PPP2R5A: variants seen among roughly 807,000 people sequenced by gnomAD.
The protein encoded by PPP2R5A is protein phosphatase 2 regulatory subunit B'alpha.
In PPP2R5A, 25 loss-of-function variants were observed where a neutral mutation model predicts 64.2. That is an observed-to-expected ratio of 0.39 (90% CI 0.28 to 0.54). PPP2R5A has a LOEUF of 0.54. Ranked by LOEUF, PPP2R5A falls within the 20% of genes least tolerant of loss-of-function variation. The pLI is 0.67. For synonymous variants in PPP2R5A, 198 were observed against 201.2 expected (o/e 0.98, Z 0.13); for missense variants, 425 against 576.3 (o/e 0.74, Z 2.69).
chr1:212,334,135 A>G (rs2102435908), intron 3 of PPP2R5A: 1 of 152,366 alleles, frequency 6.6e-6, no homozygotes, highest in East Asian at 1.9e-4. Context: ...GAATTATTCC[A>G]TTGTATGGAT....
chr1:212,353,911 G>A (rs1257775570), intron 8 of PPP2R5A, among the ~76,000 whole-genome samples: 1 of 152,130 alleles, frequency 6.6e-6, no homozygotes, highest in East Asian at 1.9e-4. Context: ...CGGGCCGGGC[G>A]CTGTGGCTCA....
chr1:212,317,236 CTT>C (rs547781299), intron 1 of PPP2R5A, among the ~76,000 whole-genome samples: 350 of 151,748 alleles, frequency 2.3e-3, no homozygotes, highest in African/African-American at 8.0e-3. Context: ...GTTTTTATCT[CTT>C]TTTTTTGGTG....
chr1:212,346,035 T>G, intron 5 of PPP2R5A, 102 bp downstream of exon 5: 1 of 1,162,206 alleles, frequency 8.6e-7, no homozygotes, highest in Non-Finnish European at 1.2e-6. Context: ...AGGGTCTCAC[T>G]CTGTCATCCA....
intron 1 of PPP2R5A, among the ~76,000 whole-genome samples, chr1:212,290,675 A>G (rs1422072932): frequency 1.3e-5 from 2 of 152,278 alleles, no homozygotes; most frequent in Admixed American, 1.3e-4. Flanking sequence ...TCTCCATTTT[A>G]TTACCTTATC....
chr1:212,319,777 C>T (rs1209767195), intron 1 of PPP2R5A, among the ~76,000 whole-genome samples: 2 of 151,460 alleles, frequency 1.3e-5, no homozygotes, highest in African/African-American at 4.8e-5. Flanking sequence ...TGCGCCACTA[C>T]ACCCGGCTAA....
intron 1 of PPP2R5A, among the ~76,000 whole-genome samples, chr1:212,322,810 G>C (rs185977007): frequency 3.1e-4 from 44 of 140,682 alleles, no homozygotes; most frequent in African/African-American, 1.1e-3. Context: ...TTTTGAGATG[G>C]AGTCTCGCTC....
At chr1:212,352,142 G>A (rs1221891561) in intron 8 of PPP2R5A, among the ~76,000 whole-genome samples, 1 of 151,366 alleles carries the variant, frequency 6.6e-6, no homozygotes, top group Non-Finnish European at 1.5e-5. Flanking sequence ...TTGTTCCTTA[G>A]CCTCCTGAGT....
intron 1 of PPP2R5A, among the ~76,000 whole-genome samples, chr1:212,328,894 G>A (rs2102432565): frequency 6.6e-6 from 1 of 152,044 alleles, no homozygotes; most frequent in South Asian, 2.1e-4. Context: ...AGTCTATCTT[G>A]GGCAATGTAG....
chr1:212,349,014 G>C (rs985290921), intron 7 of PPP2R5A, among the ~76,000 whole-genome samples, 175 bp from the exon 8 acceptor site: 1 of 152,096 alleles, frequency 6.6e-6, no homozygotes, highest in Admixed American at 6.5e-5. Context: ...ACAATTGTGA[G>C]TATAGTTTCA....
intron 1 of PPP2R5A, among the ~76,000 whole-genome samples, chr1:212,293,969 G>A (rs780087083): frequency 4.6e-5 from 7 of 152,096 alleles, no homozygotes; most frequent in Non-Finnish European, 8.8e-5. Context: ...GGAAAGTACA[G>A]GGTTTTAAAA....
At chr1:212,310,634 C>A (rs982143889) in intron 1 of PPP2R5A, among the ~76,000 whole-genome samples, 8 of 152,200 alleles carry the variant, frequency 5.3e-5, no homozygotes, top group African/African-American at 1.9e-4. Flanking sequence ...CCGAGGTCTT[C>A]TTTTTGGCTT....
chr1:212,356,779 G>T, intron 9 of PPP2R5A, 103 bp downstream of exon 9: 2 of 1,376,798 alleles, frequency 1.5e-6, no homozygotes, highest in South Asian at 1.4e-5. Flanking sequence ...TTGCTAAAGA[G>T]CGGGAGATGT....
rs1330560514 is a variant in PPP2R5A, at chr1:212,358,522, G to A, written c.1227-164G>A. 2.0e-5 allele frequency among the ~76,000 whole-genome samples: 3 copies of A among 152,200 alleles called. No individual in the cohort carries two copies. The East Asian group carries it at 5.8e-4, about 29-fold the overall frequency. ...TAGACTGTCTCTACCACCACTTGCT[G>A]TATGACCTTGAGCATATTACAAACC... On this transcript the variant is annotated intron_variant, in intron 11 of 12. Coordinates refer to ENST00000261461, the MANE Select transcript of PPP2R5A (RefSeq NM_006243.4).
At chr1:212,290,969 A>G (rs1658591551) in intron 1 of PPP2R5A, among the ~76,000 whole-genome samples, 1 of 152,256 alleles carries the variant, frequency 6.6e-6, no homozygotes, top group South Asian at 2.1e-4. Context: ...TTACTAACAG[A>G]AATAACACAT....
intron 3 of PPP2R5A, among the ~76,000 whole-genome samples, chr1:212,340,685 G>A (rs1350573235): frequency 6.6e-6 from 1 of 152,142 alleles, no homozygotes; most frequent in East Asian, 1.9e-4. Context: ...AACACAAAAT[G>A]TTAGGTAACA....
chr1:212,298,849 C>A (rs1658743424), intron 1 of PPP2R5A, among the ~76,000 whole-genome samples: 1 of 41,136 alleles, frequency 2.4e-5, no homozygotes. Context: ...CCCCTCACCT[C>A]CCGGACGGGG....
chr1:212,315,573 G>A (rs1477561476), intron 1 of PPP2R5A, among the ~76,000 whole-genome samples: 3 of 152,036 alleles, frequency 2.0e-5, no homozygotes, highest in Non-Finnish European at 4.4e-5. Flanking sequence ...AATTTACTTC[G>A]AAAAATTCTC....
At chr1:212,335,980 T>A (rs1659587591) in intron 3 of PPP2R5A, among the ~76,000 whole-genome samples, 1 of 152,232 alleles carries the variant, frequency 6.6e-6, no homozygotes, top group South Asian at 2.1e-4. Flanking sequence ...CAGTGGAAAT[T>A]GAGCCAAGTA....
chr1:212,321,122 T>C (rs560780842), intron 1 of PPP2R5A, among the ~76,000 whole-genome samples: 1 of 95,462 alleles, frequency 1.0e-5, no homozygotes, highest in Non-Finnish European at 2.1e-5. Context: ...GGGGCTCCTC[T>C]CTTCCCAGTA....
Sources: gnomAD v4.1 joint callset for allele counts (sites outside exome capture counted in the v4.1 genomes callset) on GRCh38, gnomAD v4.1.1 for gene constraint, MANE v1.5 for transcripts, NCBI Gene and HGNC (gene_info 2026-07-23, HGNC 2026-07-21) for gene names.